Variants in ZNF385B observed in about 807,000 individuals in gnomAD.
ZNF385B encodes the protein zinc finger protein 533.
Under a neutral mutation model 39.2 loss-of-function variants are expected in ZNF385B, and 23 were observed. The observed-to-expected ratio is 0.59, with a 90% CI of 0.42 to 0.83. The LOEUF is 0.83. Ranked by LOEUF, ZNF385B falls within the 40% of genes least tolerant of loss-of-function variation. The probability of loss-of-function intolerance (pLI) is 0.00; values close to 1 mark genes in which losing one functional copy is unlikely to be tolerated. For missense variants in ZNF385B, 552 were observed against 598.9 expected (o/e 0.92, Z 0.82); for synonymous variants, 205 against 222.6 (o/e 0.92, Z 0.70).
At chr2:179,528,330 A>G (rs904388207) in intron 4 of ZNF385B, among the ~76,000 whole-genome samples, 1 of 152,196 alleles carries the variant, frequency 6.6e-6, no homozygotes, top group Non-Finnish European at 1.5e-5. Context: ...AAAGTTCTCT[A>G]AGGATGAGTA....
At chr2:179,500,810 T>A (rs1454476486) in intron 5 of ZNF385B, among the ~76,000 whole-genome samples, 1 of 152,024 alleles carries the variant, frequency 6.6e-6, no homozygotes, top group Non-Finnish European at 1.5e-5. Context: ...AGACAACCCA[T>A]AGAATGGGAT....
chr2:179,805,071 G>T (rs144983087), intron 1 of ZNF385B, among the ~76,000 whole-genome samples: 1 of 152,164 alleles, frequency 6.6e-6, no homozygotes, highest in African/African-American at 2.4e-5. Context: ...ACAGAATGAG[G>T]TGAAAGTGAT....
intron 6 of ZNF385B, among the ~76,000 whole-genome samples, chr2:179,480,697 CT>C (rs34013544): frequency 0.023 from 3,298 of 146,222 alleles, 96 homozygotes; most frequent in African/African-American, 0.072. Flanking sequence ...AAATGCACTC[CT>C]TTTTTTTTTT....
intron 3 of ZNF385B, among the ~76,000 whole-genome samples, chr2:179,732,252 T>C (rs1170657064): frequency 2.0e-5 from 3 of 152,218 alleles, no homozygotes; most frequent in Non-Finnish European, 1.5e-5. Context: ...ATTTAGAGCA[T>C]GGCACTGAGA....
chr2:179,741,589 A>G (rs1702090125), intron 3 of ZNF385B, among the ~76,000 whole-genome samples: 2 of 152,114 alleles, frequency 1.3e-5, no homozygotes. Context: ...AAATTGGGAT[A>G]GCTTGGGTGT....
At chr2:179,495,078 G>T (rs1244337749) in intron 5 of ZNF385B, among the ~76,000 whole-genome samples, 1 of 152,132 alleles carries the variant, frequency 6.6e-6, no homozygotes, top group Non-Finnish European at 1.5e-5. Context: ...CCAGATCCAG[G>T]ACTGGACTCT....
intron 1 of ZNF385B, among the ~76,000 whole-genome samples, chr2:179,805,077 G>T (rs913286935): frequency 6.6e-6 from 1 of 152,178 alleles, no homozygotes; most frequent in Non-Finnish European, 1.5e-5. Flanking sequence ...TGAGGTGAAA[G>T]TGATATCCTG....
intron 5 of ZNF385B, among the ~76,000 whole-genome samples, chr2:179,496,186 G>A (rs188278687): frequency 6.6e-6 from 1 of 152,188 alleles, no homozygotes; most frequent in Admixed American, 6.5e-5. Flanking sequence ...AAATGCAACT[G>A]GCATTCTGAA....
chr2:179,576,485 T>C (rs1001597922), intron 3 of ZNF385B, among the ~76,000 whole-genome samples: 5 of 152,176 alleles, frequency 3.3e-5, no homozygotes, highest in Admixed American at 3.3e-4. Flanking sequence ...GTCATAAATC[T>C]GACTATTTCT....
chr2:179,685,511 A>T (rs1697853823), intron 3 of ZNF385B, among the ~76,000 whole-genome samples: 1 of 152,194 alleles, frequency 6.6e-6, no homozygotes, highest in African/African-American at 2.4e-5. Context: ...TGCCCTCCTA[A>T]TTAAAAGTGC....
chr2:179,669,479 A>C (rs377214190), intron 3 of ZNF385B, among the ~76,000 whole-genome samples: 4 of 152,186 alleles, frequency 2.6e-5, no homozygotes, highest in African/African-American at 7.2e-5. Context: ...TCTCCAGATG[A>C]TTCTAAAGTG....
chr2:179,535,607 G>A (rs537620697), intron 4 of ZNF385B, among the ~76,000 whole-genome samples: 7 of 152,260 alleles, frequency 4.6e-5, no homozygotes, highest in South Asian at 2.1e-4. Flanking sequence ...AATGTAAAAC[G>A]TCTTTGAAAT....
intron 3 of ZNF385B, among the ~76,000 whole-genome samples, chr2:179,664,108 C>CT (rs60114910): frequency 1.5e-3 from 210 of 139,248 alleles, no homozygotes; most frequent in Middle Eastern, 3.8e-3. Flanking sequence ...TTCTCTTTGG[C>CT]TTTTTTTTTT....
At chr2:179,533,301 C>A (rs997684310) in intron 4 of ZNF385B, among the ~76,000 whole-genome samples, 1 of 152,124 alleles carries the variant, frequency 6.6e-6, no homozygotes, top group Non-Finnish European at 1.5e-5. Flanking sequence ...GTTTTACTCC[C>A]CCCACCACCT....
At chr2:179,810,699 T>C (rs1268747366) in intron 1 of ZNF385B, among the ~76,000 whole-genome samples, 2 of 152,054 alleles carry the variant, frequency 1.3e-5, no homozygotes, top group African/African-American at 2.4e-5. Flanking sequence ...TAAAACCAAT[T>C]TTCTCTTTCA....
At chr2:179,537,757 AC>A (rs201673566) in intron 4 of ZNF385B, among the ~76,000 whole-genome samples, 3 of 111,670 alleles carry the variant, frequency 2.7e-5, no homozygotes, top group South Asian at 3.0e-4. Context: ...AAACAAACAA[AC>A]AAACAAACAA....
chr2:179,756,826 G>A (rs1459061615), intron 3 of ZNF385B, among the ~76,000 whole-genome samples: 1 of 152,096 alleles, frequency 6.6e-6, no homozygotes, highest in African/African-American at 2.4e-5. Context: ...GGTCATTTAA[G>A]GACTTCTCTA....
intron 4 of ZNF385B, among the ~76,000 whole-genome samples, chr2:179,527,467 T>A (rs72954350): frequency 0.061 from 9,199 of 151,744 alleles, 344 homozygotes; most frequent in South Asian, 0.11. Flanking sequence ...AAAAAAAAAA[T>A]CCTGTGATGT....
intron 1 of ZNF385B, among the ~76,000 whole-genome samples, chr2:179,820,061 G>A (rs55869281): frequency 0.3 from 45,929 of 151,822 alleles, 7,275 homozygotes; most frequent in Admixed American, 0.43. Context: ...ATGAGAATAT[G>A]TGTGTGTATA....
Sources: gnomAD v4.1 joint callset for allele counts (sites outside exome capture counted in the v4.1 genomes callset) on GRCh38, gnomAD v4.1.1 for gene constraint, MANE v1.5 for transcripts, NCBI Gene and HGNC (gene_info 2026-07-23, HGNC 2026-07-21) for gene names.